PPFIA4: variants seen among roughly 807,000 people sequenced by gnomAD.
PPFIA4 encodes liprin-alpha-4.
Under a neutral mutation model 145.7 loss-of-function variants are expected in PPFIA4, and 98 were observed. The observed-to-expected ratio is 0.67, with a 90% confidence interval of 0.57 to 0.80. The LOEUF (loss-of-function observed/expected upper bound fraction) is 0.80, where lower values mean the gene tolerates loss of function less well. Ranked by LOEUF, PPFIA4 falls within the 30% of genes least tolerant of loss-of-function variation. PPFIA4 has a pLI of 0.00. For missense variants in PPFIA4, 1,457 were observed against 1,632.7 expected (o/e 0.89, Z 1.85); for synonymous variants, 628 against 649.6 (o/e 0.97, Z 0.51).
At chr1:203,066,411 A>C (rs537500073) in intron 25 of PPFIA4, among the ~76,000 whole-genome samples, 23 of 152,340 alleles carry the variant, frequency 1.5e-4, no homozygotes, top group African/African-American at 5.1e-4. Context: ...CCTCAATAAG[A>C]GTCAAAAGCA....
At position 203,049,077 on chromosome 1, in the gene PPFIA4, A is replaced by G. The variant is rs1038432259; in HGVS notation, c.1419+97A>G. The G allele has an allele frequency of 3.4e-6, 4 of 1,169,416 alleles. No individual in the cohort carries two copies. In the Admixed American group the frequency reaches 6.9e-5, roughly 20 times the overall value. 72.4% of individuals were successfully genotyped at this position (1,169,416 alleles called of 1,614,324 possible). On this transcript the variant is annotated intron_variant, in intron 12 of 29. Transcript: ENST00000295706. Reference sequence around the variant, plus strand: ...TAACGCTGCTGCTCTGATACCTGGCAGTGTTAGTGCATATGTTAGTGCACT... The same window carrying G: ...TAACGCTGCTGCTCTGATACCTGGCGGTGTTAGTGCATATGTTAGTGCACT...
At chr1:203,063,648 T>A in intron 24 of PPFIA4, 180 bp from the exon 25 acceptor site, 1 of 585,540 alleles carries the variant, frequency 1.7e-6, no homozygotes, top group South Asian at 2.2e-5. Context: ...CCATTTAAAA[T>A]CCTCACCTCC....
Position 203,066,664 on chromosome 1 carries a change from C to G in PPFIA4, c.3051-1031C>G, listed in dbSNP as rs116107374. 2.7e-3 allele frequency among the ~76,000 whole-genome samples: 404 copies of G among 152,268 alleles called. 1 individual carries two copies. The highest frequency in any genetic ancestry group is 9.3e-3 in the African/African-American group (388 of 41,526). On this transcript the variant is annotated intron_variant, in intron 25 of 29. Coordinates refer to ENST00000295706, the MANE Select transcript of PPFIA4 (RefSeq NM_001304331.2). ...AGGTGGGAGCGTGGACTGATGGCCT[C>G]CAGGGTTCCTTCTGACCCACAGAAT... is the stretch of plus-strand genomic sequence containing the variant.
At chr1:203,035,018 C>T (rs1659125498) in intron 1 of PPFIA4, among the ~76,000 whole-genome samples, 1 of 152,194 alleles carries the variant, frequency 6.6e-6, no homozygotes, top group Non-Finnish European at 1.5e-5. Context: ...TAAATTAATC[C>T]ATACCACTTG....
intron 25 of PPFIA4, among the ~76,000 whole-genome samples, chr1:203,065,199 C>T (rs1045381303): frequency 2.0e-5 from 3 of 152,204 alleles, no homozygotes; most frequent in Non-Finnish European, 4.4e-5. Context: ...GGTACGCTGA[C>T]TCAAGTCCAG....
intron 2 of PPFIA4, among the ~76,000 whole-genome samples, chr1:203,042,742 T>TA (rs1422134858): frequency 6.6e-6 from 1 of 152,048 alleles, no homozygotes; most frequent in Non-Finnish European, 1.5e-5. Flanking sequence ...GTTCAAGTGA[T>TA]TCTCCTGCCT....
intron 1 of PPFIA4, among the ~76,000 whole-genome samples, chr1:203,031,615 G>A (rs908225479): frequency 6.6e-6 from 1 of 152,180 alleles, no homozygotes; most frequent in Non-Finnish European, 1.5e-5. Flanking sequence ...TCTCCTCTGC[G>A]ATGGCTCCCT....
At position 203,053,561 on chromosome 1, in the gene PPFIA4, C is replaced by G; in HGVS notation, c.1621-192C>G. On this transcript the variant is annotated intron_variant, in intron 14 of 29. Coordinates refer to ENST00000295706, the MANE Select transcript of PPFIA4 (RefSeq NM_001304331.2). ...AAACAAACAAACCAAAAACCAAAAACCAAAAAACCACCCAGGGGTCTTGTT... is the reference window on the plus strand; with the variant it reads ...AAACAAACAAACCAAAAACCAAAAAGCAAAAAACCACCCAGGGGTCTTGTT... 7 of 425,074 alleles carry G rather than the reference C, an allele frequency of 1.6e-5. 1 individual carries two copies. The highest frequency in any genetic ancestry group is 3.7e-5 in the Admixed American group (1 of 27,098). The allele number at this position is 425,074 out of a possible 1,614,324, so 26.3% of individuals were successfully genotyped here. A position where few individuals can be genotyped will look rare whatever the true frequency, so the allele number is the denominator to read the frequency against.
At position 203,048,643 on chromosome 1, in the gene PPFIA4, C is replaced by T. The variant is rs1377065259; in HGVS notation, c.1285C>T (p.Arg429Trp). 17 of 1,604,726 alleles carry T rather than the reference C, an allele frequency of 1.1e-5. No individual in the cohort carries two copies. Among genetic ancestry groups the T allele is most frequent in the Admixed American group, 1.7e-5 (1 of 59,044 alleles). Reference protein sequence around the residue: ...HNKRLSDTVDRLLSESNERLQ... With the variant: ...HNKRLSDTVDWLLSESNERLQ... ...CAAGCGGCTGTCGGACACAGTGGAC[C>T]GGCTGCTCAGCGAGTCCAACGAGCG... The change falls in exon 11 of 30, where the codon CGG becomes TGG. Residue 429 changes from arginine to tryptophan, a missense_variant. Physicochemically the swap from Arg to Trp is moderately radical, Grantham distance 101. Coordinates refer to ENST00000295706, the MANE Select transcript of PPFIA4 (RefSeq NM_001304331.2). This position sits in a 1 kb window ranked among gnomAD's most constrained non-coding sequence, Gnocchi z 5.8.
chr1:203,047,770 G>A (rs754895), intron 9 of PPFIA4, among the ~76,000 whole-genome samples: 107,747 of 152,088 alleles, frequency 0.71, 38,705 homozygotes, highest in Non-Finnish European at 0.78. Flanking sequence ...TTGTGGAAAC[G>A]AAGGCACATA....
intron 16 of PPFIA4, 93 bp from the exon 17 acceptor site, chr1:203,056,027 A>G (rs1023877460): frequency 7.6e-7 from 1 of 1,312,618 alleles, no homozygotes; most frequent in Non-Finnish European, 1.1e-6. Context: ...ACTGAATCCT[A>G]TCTTCTCATC....
intron 19 of PPFIA4, 75 bp downstream of exon 19, chr1:203,057,025 C>A: frequency 6.3e-7 from 1 of 1,580,770 alleles, no homozygotes; most frequent in Admixed American, 1.7e-5. Flanking sequence ...CTTGGACTGG[C>A]CTTCTCTGCC....
rs1054514898 is a variant in PPFIA4, at chr1:203,044,020, G to A, written c.426G>A (p.Ser142=). Residue 142 remains serine (S), a synonymous_variant, in exon 4 of 30, where the codon TCG becomes TCA. Coordinates refer to ENST00000295706, the MANE Select transcript of PPFIA4 (RefSeq NM_001304331.2). The part of the protein sequence containing the change: ...TVVKRQAQSP[S]GVSSEVEVLK... ...TGAAGCGCCAGGCCCAGTCACCTTCGGGGGTCTCCAGTGAGGTGGAGGTGC... is the reference window on the plus strand; with the variant it reads ...TGAAGCGCCAGGCCCAGTCACCTTCAGGGGTCTCCAGTGAGGTGGAGGTGC... The A allele has an allele frequency of 7.4e-6, 12 of 1,612,422 alleles. No individual in the cohort carries two copies. The highest frequency in any genetic ancestry group is 1.7e-4 in the Middle Eastern group (1 of 6,056).
At chr1:203,062,688 G>A (rs1414377359) in intron 24 of PPFIA4, among the ~76,000 whole-genome samples, 16 of 152,022 alleles carry the variant, frequency 1.1e-4, no homozygotes, top group Admixed American at 1.3e-4. Flanking sequence ...GGGGGGATCC[G>A]AGCCATAGGG....
At position 203,063,860 on chromosome 1, in the gene PPFIA4, G is replaced by A. The variant is rs1352826212; in HGVS notation, c.2907G>A (p.Trp969Ter). 2 of 1,614,050 alleles carry A rather than the reference G, an allele frequency of 1.2e-6. No homozygotes were observed. The highest frequency in any genetic ancestry group is 1.7e-6 in the Non-Finnish European group (2 of 1,179,916). Reference protein sequence around the residue: ...TLAYGDMNHEWIGNEWLPSLG... With the variant: ...TLAYGDMNHE ...CCTATGGGGACATGAACCATGAGTGGATTGGGAATGAATGGCTACCCAGCC... is the reference window on the plus strand; with the variant it reads ...CCTATGGGGACATGAACCATGAGTGAATTGGGAATGAATGGCTACCCAGCC... The change falls in exon 25 of 30, where the codon TGG becomes TGA. Residue 969 changes from tryptophan to a stop codon, truncating the protein, a stop_gained. Transcript: ENST00000295706. LOFTEE classifies it high-confidence loss of function.
At chr1:203,065,284 T>G (rs1661653820) in intron 25 of PPFIA4, among the ~76,000 whole-genome samples, 1 of 152,148 alleles carries the variant, frequency 6.6e-6, no homozygotes, top group South Asian at 2.1e-4. Context: ...GGCTGACTTG[T>G]GAGGGAAGAC....
Position 203,071,755 on chromosome 1 carries a change from G to T in PPFIA4, c.3388G>T (p.Asp1130Tyr). Residue 1130 changes from aspartate (D) to tyrosine (Y), a missense_variant, in exon 28 of 30, where the codon GAT becomes TAT. Transcript: ENST00000295706. ...LLALGTDRKL[D>Y]DGDDKVFRRA... is the part of the protein sequence containing the mutation. The stretch of plus-strand genomic sequence containing the variant: ...GGCCTTGGGCACAGACCGGAAGCTG[G>T]ATGACGTGAGTACCTGGCCATGAAT... 6.2e-7 allele frequency: 1 copy of T among 1,611,032 alleles called. No homozygotes were observed. Among genetic ancestry groups the T allele is most frequent in the African/African-American group, 1.3e-5 (1 of 74,998 alleles).
At chr1:203,046,190 T>TG in intron 8 of PPFIA4, 58 bp from the exon 9 acceptor site, 1 of 1,071,260 alleles carries the variant, frequency 9.3e-7, no homozygotes. Context: ...GAGGCTGGGG[T>TG]GGGGGTGGGG....
rs1157721683 is a variant in PPFIA4, at chr1:203,076,416, C to T, written c.*26C>T. ...CCATGGCCCCCAGGGCTGGCTTCCTCCTTCTGGGTTTCACAGGCTCCTCTG... is the reference window on the plus strand; with the variant it reads ...CCATGGCCCCCAGGGCTGGCTTCCTTCTTCTGGGTTTCACAGGCTCCTCTG... On this transcript the variant is annotated 3_prime_UTR_variant, in exon 30 of 30. Transcript: ENST00000295706. 10 of 1,604,118 alleles carry T rather than the reference C, an allele frequency of 6.2e-6. No homozygotes were observed. Among genetic ancestry groups the T allele is most frequent in the South Asian group, 1.1e-5 (1 of 90,986 alleles).
Sources: allele counts gnomAD v4.1 joint callset (sites outside exome capture counted in the v4.1 genomes callset), GRCh38; gene constraint gnomAD v4.1.1; non-coding constraint Gnocchi (gnomAD v3.1); transcripts MANE v1.5; gene names NCBI Gene and HGNC (gene_info 2026-07-23, HGNC 2026-07-21).